The following LRIG1 variants were observed in gnomAD, a reference collection of about 807,000 sequenced individuals.
The protein encoded by LRIG1 is leucine-rich repeats and immunoglobulin-like domains protein 1.
LRIG1 carries 48 observed loss-of-function variants against 99.2 expected under a neutral mutation model. That is an observed-to-expected ratio of 0.48 (90% confidence interval 0.38 to 0.62). LRIG1 has a LOEUF of 0.62. Ranked by LOEUF, LRIG1 falls within the 20% of genes least tolerant of loss-of-function variation. The pLI is 0.00. For synonymous variants in LRIG1, 772 were observed against 596.1 expected (o/e 1.29, Z -4.30); for missense variants, 1,646 against 1,434.4 (o/e 1.15, Z -2.38).
chr3:66,405,901 T>G, intron 8 of LRIG1: 1 of 1,028,868 alleles, frequency 9.7e-7, no homozygotes, highest in East Asian at 1.0e-4. Context: ...CCCAGGCCCC[T>G]CCAACAATGC....
rs750912449 is a variant in LRIG1, at chr3:66,382,312, C to T, written c.2578G>A (p.Glu860Lys). Reference sequence around the variant, plus strand: ...TGCCCATTGGCCTGAGGGCCACCCTCGGTCCTGACCACGGTTTCTTGTCGG... The same window carrying T: ...TGCCCATTGGCCTGAGGGCCACCCTTGGTCCTGACCACGGTTTCTTGTCGG... ...SDRQETVVRT[E>K]GGPQANGHIE... The change falls in exon 16 of 19, where the codon GAG becomes AAG. Residue 860 changes from glutamate to lysine, a missense_variant. Glu to Lys is a moderately conservative substitution (Grantham distance 56, BLOSUM62 1). Coordinates refer to ENST00000273261, the MANE Select transcript of LRIG1 (RefSeq NM_015541.3). 2.5e-5 allele frequency: 40 copies of T among 1,614,080 alleles called. No individual in the cohort carries two copies. The highest frequency in any genetic ancestry group is 6.7e-5 in the East Asian group (3 of 44,898).
rs1701508960 is a variant in LRIG1 at position 66,388,932 on chromosome 3, C to G, written c.1469-2631G>C. On this transcript the variant is annotated intron_variant, in intron 12 of 18. Coordinates refer to ENST00000273261, the MANE Select transcript of LRIG1 (RefSeq NM_015541.3). ...AATCCACACCAAGAAATAAAAAATC[C>G]CATTAAAGGTAACTACACAGGTAAT... 2.0e-5 allele frequency among the ~76,000 whole-genome samples: 3 copies of G among 151,886 alleles called. 1 individual carries two copies. The South Asian group carries it at 6.2e-4, about 32-fold the overall frequency.
In LRIG1 at chr3:66,394,099, TG is replaced by T. The variant is rs1225102993; in HGVS notation, c.1408del (p.His470ThrfsTer5). The part of the protein sequence containing the change: ...LQAFVTATCA[H>X]PESLKGQSIF... ...GCTCTGACCCTTCAGTGATTCTGGG[TG>T]GGCACAGGTGGCTGTCACAAAGGCC... On this transcript the variant is annotated frameshift_variant, in exon 12 of 19. Coordinates refer to ENST00000273261, the MANE Select transcript of LRIG1 (RefSeq NM_015541.3). LOFTEE classifies it high-confidence loss of function. The T allele has an allele frequency of 6.2e-7, 1 of 1,614,022 alleles. No homozygotes were observed.
At chr3:66,421,722 G>C (rs1420491272) in intron 3 of LRIG1, among the ~76,000 whole-genome samples, 2 of 152,198 alleles carry the variant, frequency 1.3e-5, no homozygotes, top group East Asian at 1.9e-4. Context: ...TGCCGCAGTA[G>C]GGACTCTGTG....
At chr3:66,404,097 A>G in intron 9 of LRIG1, 1 of 429,764 alleles carries the variant, frequency 2.3e-6, no homozygotes. Context: ...GCTGGAGTAC[A>G]GGACGCTCAA....
In LRIG1 at chr3:66,380,463, A is replaced by T. The variant is rs1700971482; in HGVS notation, c.3082T>A (p.Leu1028Met). 1 of 1,614,146 alleles carries T rather than the reference A, an allele frequency of 6.2e-7. No individual in the cohort carries two copies. Among genetic ancestry groups the T allele is most frequent in the Non-Finnish European group, 8.5e-7 (1 of 1,180,038 alleles). The part of the protein sequence containing the change: ...KGDSSWTLAR[L>M]YHPDSTELQP... ...AGCTCTGTGGAGTCCGGGTGATACA[A>T]CCTTGCTAAAGTCCAGGAAGAATCC... The change falls in exon 19 of 19, where the codon TTG becomes ATG. Residue 1028 changes from leucine (L) to methionine (M), a missense_variant. Transcript: ENST00000273261.
intron 3 of LRIG1, among the ~76,000 whole-genome samples, chr3:66,433,476 G>A (rs13071657): frequency 0.17 from 26,014 of 152,198 alleles, 2,334 homozygotes; most frequent in Admixed American, 0.25. Context: ...CAGCTCTGCA[G>A]TTCCAGGCAA....
chr3:66,454,491 C>T (rs554141152), intron 2 of LRIG1, among the ~76,000 whole-genome samples: 1 of 152,296 alleles, frequency 6.6e-6, no homozygotes, highest in South Asian at 2.1e-4. Context: ...ACAGTCTTCT[C>T]TCACCCCCTA....
At chr3:66,475,740 T>C (rs1194389899) in intron 1 of LRIG1, among the ~76,000 whole-genome samples, 1 of 152,194 alleles carries the variant, frequency 6.6e-6, no homozygotes, top group Admixed American at 6.5e-5. Flanking sequence ...AGAAAGCACC[T>C]GCACAAACTC....
intron 5 of LRIG1, among the ~76,000 whole-genome samples, chr3:66,413,714 A>AT (rs1702538395): frequency 6.6e-6 from 1 of 152,154 alleles, no homozygotes; most frequent in Admixed American, 6.5e-5. Flanking sequence ...TTTTCCCCAA[A>AT]TATTTCTGCA....
chr3:66,476,321 C>T (rs1393610347), intron 1 of LRIG1, among the ~76,000 whole-genome samples: 1 of 152,156 alleles, frequency 6.6e-6, no homozygotes, highest in Non-Finnish European at 1.5e-5. Flanking sequence ...CCCTGTCTGG[C>T]CAGTTCCAAT....
rs1249713661 is a variant in LRIG1 at position 66,500,484 on chromosome 3, C to A, written c.-77G>T. On this transcript the variant is annotated 5_prime_UTR_variant, in exon 1 of 19. Transcript: ENST00000273261. Reference sequence around the variant, plus strand: ...ACGGCCGCAGACGCGGGCGGGCCCGCGGGGCGCTCCGCTCGGCTCTAGACT... The same window carrying A: ...ACGGCCGCAGACGCGGGCGGGCCCGAGGGGCGCTCCGCTCGGCTCTAGACT... The A allele has an allele frequency of 3.7e-6, 3 of 819,808 alleles. No homozygotes were observed. In the East Asian group the frequency reaches 1.0e-4, roughly 28 times the overall value. 50.8% of individuals were successfully genotyped at this position (819,808 alleles called of 1,614,324 possible). A position where few individuals can be genotyped will look rare whatever the true frequency, so the allele number is the denominator to read the frequency against.
intron 14 of LRIG1, 73 bp downstream of exon 14, chr3:66,383,918 A>G: frequency 6.4e-7 from 1 of 1,552,800 alleles, no homozygotes; most frequent in Non-Finnish European, 8.7e-7. Flanking sequence ...CCCTGGCCAC[A>G]CAGAGCATTT....
Position 66,380,099 on chromosome 3 carries a change from G to C in LRIG1, c.*164C>G. On this transcript the variant is annotated 3_prime_UTR_variant, in exon 19 of 19. Transcript: ENST00000273261. Reference sequence around the variant, plus strand: ...GCCTTTTGTACACAAATCCCCTCTTGCGTTTACTGTGCTTCAGATCCAAGT... The same window carrying C: ...GCCTTTTGTACACAAATCCCCTCTTCCGTTTACTGTGCTTCAGATCCAAGT... The C allele has an allele frequency of 1.7e-6, 1 of 578,306 alleles. No homozygotes were observed. The allele number at this position is 578,306 out of a possible 1,614,324, so 35.8% of individuals were successfully genotyped here.
Position 66,383,925 on chromosome 3 carries a change from A to T in LRIG1, c.2071+66T>A, listed in dbSNP as rs958782194. ...CATACCACCCCTGGCCACACAGAGC[A>T]TTTGAGAGTCTCTCTCTCTCGCTCA... On this transcript the variant is annotated intron_variant, in intron 14 of 18. Transcript: ENST00000273261. 1.9e-6 allele frequency: 3 copies of T among 1,550,384 alleles called. No homozygotes were observed. The African/African-American group carries it at 4.2e-5, about 22-fold the overall frequency.
At chr3:66,482,516 AAT>A (rs1209671449) in intron 1 of LRIG1, among the ~76,000 whole-genome samples, 1 of 152,228 alleles carries the variant, frequency 6.6e-6, no homozygotes, top group Non-Finnish European at 1.5e-5. Flanking sequence ...TGATTACAGA[AAT>A]AAACAGCATT....
At chr3:66,409,106 C>G (rs1177163652) in intron 7 of LRIG1, among the ~76,000 whole-genome samples, 2 of 152,014 alleles carry the variant, frequency 1.3e-5, no homozygotes, top group Non-Finnish European at 2.9e-5. Flanking sequence ...AAGAGAGAGA[C>G]AGGACAGACT....
chr3:66,500,356 G>C lies in LRIG1; in HGVS notation c.52C>G (p.Leu18Val). The C allele has an allele frequency of 1.3e-6, 2 of 1,491,532 alleles. No individual in the cohort carries two copies. Among genetic ancestry groups the C allele is most frequent in the African/African-American group, 1.4e-5 (1 of 69,560 alleles). The allele number at this position is 1,491,532 out of a possible 1,614,324, so 92.4% of individuals were successfully genotyped here. ...GLGAPRRSPC[L>V]LLLWLLLLRL... ...AGCAAAAGCAGCCAGAGAAGGAGAA[G>C]GCAAGGCGAGCGGCGCGGGGCCCCG... Residue 18 changes from leucine to valine, a missense_variant, in exon 1 of 19, where the codon CTT becomes GTT. By Grantham distance (32) the Leu-to-Val change is conservative. Transcript: ENST00000273261.
intron 12 of LRIG1, chr3:66,387,423 G>A (rs1701430247): frequency 6.6e-6 from 1 of 152,068 alleles, no homozygotes; most frequent in Non-Finnish European, 1.5e-5. Context: ...GTCGGTAAAG[G>A]ATAGGAGACA....
Sources: allele counts gnomAD v4.1 joint callset (sites outside exome capture counted in the v4.1 genomes callset), GRCh38; gene constraint gnomAD v4.1.1; transcripts MANE v1.5; gene names NCBI Gene and HGNC (gene_info 2026-07-23, HGNC 2026-07-21).